SV2B: variants seen among roughly 807,000 people sequenced by gnomAD.
SV2B encodes solute carrier family 22 member B2.
In SV2B, 41 loss-of-function variants were observed where a neutral mutation model predicts 73.9. That is an observed-to-expected ratio of 0.56 (90% CI 0.43 to 0.72). The LOEUF (loss-of-function observed/expected upper bound fraction) is 0.72, where lower values mean the gene tolerates loss of function less well. Ranked by LOEUF, SV2B falls within the 30% of genes least tolerant of loss-of-function variation. The pLI is 0.00. For missense variants in SV2B, 764 were observed against 857.8 expected (o/e 0.89, Z 1.37); for synonymous variants, 314 against 314.2 (o/e 1.00, Z 0.01).
At chr15:91,264,344 A>T (rs569830080) in intron 6 of SV2B, among the ~76,000 whole-genome samples, 12 of 152,366 alleles carry the variant, frequency 7.9e-5, no homozygotes, top group African/African-American at 2.9e-4. Flanking sequence ...GGAGACAGTG[A>T]TTCATCAGTC....
chr15:91,209,701 C>T lies in SV2B; in HGVS notation c.-391-16172C>T, dbSNP rs532624385. ...GCTCTGCCTCTCTCCAGGGGTATGA[C>T]GTTGGGCAAATCTCTTGGCCTTTCT... is the stretch of plus-strand genomic sequence containing the variant. On this transcript the variant is annotated intron_variant, in intron 1 of 12. Transcript: ENST00000394232. 1.8e-4 allele frequency among the ~76,000 whole-genome samples: 27 copies of T among 152,270 alleles called. No homozygotes were observed. The South Asian group carries it at 4.6e-3, about 26-fold the overall frequency.
intron 9 of SV2B, among the ~76,000 whole-genome samples, chr15:91,274,858 G>A (rs542200531): frequency 1.3e-4 from 20 of 152,084 alleles, no homozygotes; most frequent in South Asian, 2.1e-4. Flanking sequence ...TATATGTTAC[G>A]GGTGAATTGA....
chr15:91,275,938 C>T (rs142180996), intron 9 of SV2B, among the ~76,000 whole-genome samples: 69 of 152,226 alleles, frequency 4.5e-4, no homozygotes, highest in African/African-American at 1.5e-3. Flanking sequence ...AGGAACTTCC[C>T]GTTACTATTT....
chr15:91,197,891 A>G lies in SV2B; in HGVS notation c.-391-27982A>G, dbSNP rs764354038. ...TCTACAAAAAATACAAAAATTAGCC[A>G]GGCATGGTGGGGGACCCGTGTAATC... On this transcript the variant is annotated intron_variant, in intron 1 of 12. Coordinates refer to ENST00000394232, the MANE Select transcript of SV2B (RefSeq NM_001323032.3). This position sits in a 1 kb window ranked among gnomAD's most constrained non-coding sequence, Gnocchi z 4.9. 3.9e-5 allele frequency among the ~76,000 whole-genome samples: 6 copies of G among 152,040 alleles called. No homozygotes were observed. The highest frequency in any genetic ancestry group is 7.4e-5 in the Non-Finnish European group (5 of 67,998).
intron 6 of SV2B, among the ~76,000 whole-genome samples, 163 bp from the exon 7 acceptor site, chr15:91,266,419 G>C (rs913767988): frequency 8.5e-5 from 13 of 152,180 alleles, no homozygotes; most frequent in African/African-American, 3.1e-4. Flanking sequence ...GTTTATTGGA[G>C]GAGGTGATGG....
chr15:91,179,727 T>C (rs1453017125), intron 1 of SV2B, among the ~76,000 whole-genome samples: 1 of 152,224 alleles, frequency 6.6e-6, no homozygotes, highest in Non-Finnish European at 1.5e-5. Context: ...CCTGCCTTTT[T>C]TGTTTTCCAT....
At chr15:91,271,075 T>A (rs2048299358) in intron 9 of SV2B, among the ~76,000 whole-genome samples, 1 of 138,676 alleles carries the variant, frequency 7.2e-6, no homozygotes, top group African/African-American at 2.8e-5. Context: ...GTAAGTCCTG[T>A]GGATGATGTT....
intron 1 of SV2B, among the ~76,000 whole-genome samples, chr15:91,153,444 C>T (rs1273158803): frequency 1.3e-5 from 2 of 152,154 alleles, no homozygotes; most frequent in Non-Finnish European, 2.9e-5. Context: ...AGGTCTGTGA[C>T]CTTGGGGCAG....
chr15:91,249,176 T>A (rs746964777), intron 2 of SV2B, among the ~76,000 whole-genome samples: 2 of 152,060 alleles, frequency 1.3e-5, no homozygotes, highest in African/African-American at 4.8e-5. Flanking sequence ...ACATGAACTA[T>A]GCTCTACTCA....
chr15:91,275,414 C>G (rs1421416430), intron 9 of SV2B, among the ~76,000 whole-genome samples: 3 of 152,180 alleles, frequency 2.0e-5, no homozygotes, highest in Admixed American at 1.3e-4. Context: ...CATTTCTTCT[C>G]TCCTGTTTTA....
chr15:91,158,707 T>TTCCCTTC (rs1567300719), intron 1 of SV2B, among the ~76,000 whole-genome samples: 5 of 93,140 alleles, frequency 5.4e-5, no homozygotes, highest in African/African-American at 1.3e-4. Context: ...TTCTCTCCTC[T>TTCCCTTC]CCTCTCCTCT....
At position 91,153,040 on chromosome 15, in the gene SV2B, T is replaced by G. The variant is rs867931894; in HGVS notation, c.-392+52677T>G. Among the ~76,000 whole-genome samples the G allele has an allele frequency of 5.9e-5, 9 of 152,228 alleles. No individual in the cohort carries two copies. The South Asian group carries it at 1.0e-3, about 18-fold the overall frequency. ...TCCAAGATGGTGCTGGGTTCTCATGTGATGGAAATGGTGAACTCTGCCCTG... is the reference window on the plus strand; with the variant it reads ...TCCAAGATGGTGCTGGGTTCTCATGGGATGGAAATGGTGAACTCTGCCCTG... On this transcript the variant is annotated intron_variant, in intron 1 of 12. Coordinates refer to ENST00000394232, the MANE Select transcript of SV2B (RefSeq NM_001323032.3).
Position 91,137,665 on chromosome 15 carries a change from A to C in SV2B, c.-392+37302A>C, listed in dbSNP as rs1307735842. 3.1e-5 allele frequency among the ~76,000 whole-genome samples: 3 copies of C among 96,756 alleles called. No individual in the cohort carries two copies. The highest frequency in any genetic ancestry group is 6.8e-5 in the Non-Finnish European group (3 of 44,302). 63.5% of individuals were successfully genotyped at this position (96,756 alleles called of 152,430 possible). On this transcript the variant is annotated intron_variant, in intron 1 of 12. Coordinates refer to ENST00000394232, the MANE Select transcript of SV2B (RefSeq NM_001323032.3). The surrounding 1 kb of genome is among the most constrained non-coding windows in gnomAD (Gnocchi z 4.9). Reference sequence around the variant, plus strand: ...ATATACATATATATTTCATATATACATATATTTCATATATATATACACACA... The same window carrying C: ...ATATACATATATATTTCATATATACCTATATTTCATATATATATACACACA...
Position 91,224,055 on chromosome 15 carries a change from T to A in SV2B, c.-391-1818T>A, listed in dbSNP as rs764098628. ...TCCTCTCAGAAGGAAATGCATTGTATTGTCTGAGTCAGATGGGTTTCAGTG... is the reference window on the plus strand; with the variant it reads ...TCCTCTCAGAAGGAAATGCATTGTAATGTCTGAGTCAGATGGGTTTCAGTG... On this transcript the variant is annotated intron_variant, in intron 1 of 12. Transcript: ENST00000394232. The surrounding 1 kb of genome is among the most constrained non-coding windows in gnomAD (Gnocchi z 4.9). Among the ~76,000 whole-genome samples the A allele has an allele frequency of 4.6e-5, 7 of 152,200 alleles. No individual in the cohort carries two copies. Among genetic ancestry groups the A allele is most frequent in the Admixed American group, 1.3e-4 (2 of 15,284 alleles).
chr15:91,176,134 G>T (rs1020075842), intron 1 of SV2B, among the ~76,000 whole-genome samples: 4 of 150,302 alleles, frequency 2.7e-5, no homozygotes, highest in Non-Finnish European at 4.4e-5. Flanking sequence ...GTGAGAACAT[G>T]CGGTGTTTGG....
chr15:91,248,393 T>G (rs1002070716), intron 2 of SV2B, among the ~76,000 whole-genome samples: 3 of 152,222 alleles, frequency 2.0e-5, no homozygotes, highest in Non-Finnish European at 4.4e-5. Context: ...TGAGTTTATG[T>G]TTTTAATCTG....
intron 9 of SV2B, among the ~76,000 whole-genome samples, chr15:91,274,584 T>C (rs2048422772): frequency 6.6e-6 from 1 of 152,212 alleles, no homozygotes; most frequent in Non-Finnish European, 1.5e-5. Flanking sequence ...CATCGTCTTG[T>C]CTTAGGACAT....
rs1001273594 is a variant in SV2B at position 91,129,575 on chromosome 15, A to G, written c.-392+29212A>G. Among the ~76,000 whole-genome samples the G allele has an allele frequency of 1.2e-4, 18 of 152,350 alleles. No individual in the cohort carries two copies. Among genetic ancestry groups the G allele is most frequent in the African/African-American group, 3.8e-4 (16 of 41,600 alleles). ...AAACAGAAGGTCACATGTGCCCAGC[A>G]CAGCACACTGGGCACAGACTAGGAC... On this transcript the variant is annotated intron_variant, in intron 1 of 12. Transcript: ENST00000394232. This position sits in a 1 kb window ranked among gnomAD's most constrained non-coding sequence, Gnocchi z 5.1.
Position 91,241,689 on chromosome 15 carries a change from C to G in SV2B, c.452-10130C>G, listed in dbSNP as rs902372129. On this transcript the variant is annotated intron_variant, in intron 2 of 12. Coordinates refer to ENST00000394232, the MANE Select transcript of SV2B (RefSeq NM_001323032.3). The surrounding 1 kb of genome is among the most constrained non-coding windows in gnomAD (Gnocchi z 4.8). ...CTGTGCTGACCCCGTATTCTTGTGA[C>G]AGTGGAGGAGGTGTGAGGCTCACTG... Among the ~76,000 whole-genome samples, 1 of 152,164 alleles carries G rather than the reference C, an allele frequency of 6.6e-6. No homozygotes were observed. The highest frequency in any genetic ancestry group is 1.5e-5 in the Non-Finnish European group (1 of 68,038).
Sources: allele counts gnomAD v4.1 joint callset (sites outside exome capture counted in the v4.1 genomes callset), GRCh38; gene constraint gnomAD v4.1.1; non-coding constraint Gnocchi (gnomAD v3.1); transcripts MANE v1.5; gene names NCBI Gene and HGNC (gene_info 2026-07-23, HGNC 2026-07-21).